MYO9A: variants seen among roughly 807,000 people sequenced by gnomAD.
MYO9A encodes the protein myosin IXA, also known as unconventional myosin-IXa.
In MYO9A, 103 loss-of-function variants were observed where a neutral mutation model predicts 293.3. That is an observed-to-expected ratio of 0.35 (90% CI 0.30 to 0.41). The LOEUF is 0.41. MYO9A is among the 10% of genes least tolerant of loss of function. MYO9A has a pLI of 1.00. For synonymous variants in MYO9A, 1,001 were observed against 1,035.7 expected (o/e 0.97, Z 0.64); for missense variants, 2,685 against 3,033.0 (o/e 0.89, Z 2.69).
chr15:72,114,112 T>C (rs1304809006), intron 1 of MYO9A: 2 of 152,164 alleles, frequency 1.3e-5, no homozygotes, highest in African/African-American at 4.8e-5. Context: ...GCAAGTTTTA[T>C]TAGGTTCTTT....
intron 12 of MYO9A, among the ~76,000 whole-genome samples, chr15:71,974,780 T>C (rs141342236): frequency 1.1e-3 from 171 of 152,304 alleles, no homozygotes; most frequent in African/African-American, 3.9e-3. Context: ...CCCATGTAAT[T>C]TACCCTATCT....
At chr15:71,877,198 G>T (rs1247311553) in intron 31 of MYO9A, among the ~76,000 whole-genome samples, 1 of 152,134 alleles carries the variant, frequency 6.6e-6, no homozygotes, top group Non-Finnish European at 1.5e-5. Context: ...TGTCTCTTCT[G>T]TAATATGGAT....
In MYO9A at chr15:71,925,263, A is replaced by G. The variant is rs1437014243; in HGVS notation, c.2562+8407T>C. On this transcript the variant is annotated intron_variant, in intron 18 of 41. Coordinates refer to ENST00000356056, the MANE Select transcript of MYO9A (RefSeq NM_006901.4). ...TATATACATATACGTATACACATAT[A>G]TACATATATACATATACGTATACAC... is the stretch of plus-strand genomic sequence containing the variant. Among the ~76,000 whole-genome samples, 1,067 of 148,500 alleles carry G rather than the reference A, an allele frequency of 7.2e-3. 19 individuals are homozygous for G. The highest frequency in any genetic ancestry group is 0.025 in the African/African-American group (998 of 39,750).
chr15:72,061,937 G>C (rs1161145271), intron 1 of MYO9A, among the ~76,000 whole-genome samples: 2 of 152,226 alleles, frequency 1.3e-5, no homozygotes, highest in Admixed American at 1.3e-4. Flanking sequence ...TCCAAGAGGT[G>C]GTGGTCACGG....
At chr15:71,845,701 C>A (rs762592033) in intron 39 of MYO9A, among the ~76,000 whole-genome samples, 5 of 152,176 alleles carry the variant, frequency 3.3e-5, no homozygotes, top group Non-Finnish European at 7.4e-5. Flanking sequence ...GTCAGTTTCA[C>A]TTCATGTCAT....
At chr15:72,081,066 TACTTTGGGTATAC>T (rs2079529481) in intron 1 of MYO9A, among the ~76,000 whole-genome samples, 1 of 152,194 alleles carries the variant, frequency 6.6e-6, no homozygotes, top group Admixed American at 6.5e-5. Flanking sequence ...TGATTTATAT[TACTTTGGGTATAC>T]ACCCAGTAAT....
chr15:72,083,930 G>C (rs2079630819), intron 1 of MYO9A, among the ~76,000 whole-genome samples: 1 of 152,220 alleles, frequency 6.6e-6, no homozygotes, highest in South Asian at 2.1e-4. Flanking sequence ...GTCAATTTCA[G>C]AGTATGTGCC....
intron 11 of MYO9A, 82 bp from the exon 12 acceptor site, chr15:71,978,374 C>T (rs2076195032): frequency 8.6e-7 from 1 of 1,164,400 alleles, no homozygotes. Context: ...AGCTTTTACC[C>T]TGCTTAAAAT....
intron 1 of MYO9A, among the ~76,000 whole-genome samples, chr15:72,083,066 A>G (rs574856636): frequency 7.4e-4 from 112 of 151,986 alleles, no homozygotes; most frequent in African/African-American, 2.6e-3. Flanking sequence ...CCTCCTCCTC[A>G]ATTTTTGGGA....
chr15:71,864,694 T>C (rs895119713), intron 32 of MYO9A, among the ~76,000 whole-genome samples: 1 of 152,198 alleles, frequency 6.6e-6, no homozygotes, highest in Admixed American at 6.5e-5. Flanking sequence ...ATAGATGAAC[T>C]TCAAAAACAT....
chr15:72,107,394 C>T (rs951025161), intron 1 of MYO9A, among the ~76,000 whole-genome samples: 4 of 151,972 alleles, frequency 2.6e-5, no homozygotes, highest in African/African-American at 9.7e-5. Context: ...ACTAAAAATA[C>T]AAAAATTAGC....
chr15:72,060,743 A>C (rs912858284), intron 1 of MYO9A, among the ~76,000 whole-genome samples: 19 of 152,168 alleles, frequency 1.2e-4, no homozygotes, highest in Non-Finnish European at 2.2e-4. Context: ...ATCATACATA[A>C]ACTTAGAAGG....
chr15:71,848,533 AAGTT>A (rs1236620189), intron 39 of MYO9A, among the ~76,000 whole-genome samples: 1 of 152,240 alleles, frequency 6.6e-6, no homozygotes, highest in South Asian at 2.1e-4. Context: ...GTGGAGAAAA[AAGTT>A]AGAAGAGGAT....
At chr15:72,085,310 T>C (rs1033324947) in intron 1 of MYO9A, among the ~76,000 whole-genome samples, 3 of 151,896 alleles carry the variant, frequency 2.0e-5, no homozygotes, top group Non-Finnish European at 4.4e-5. Context: ...GGAGAATCGT[T>C]TCAACCCAGG....
rs141803419 is a variant in MYO9A, at chr15:71,874,438, T to C, written c.5979+1353A>G. Among the ~76,000 whole-genome samples, 415 of 149,298 alleles carry C rather than the reference T, an allele frequency of 2.8e-3. 3 individuals are homozygous for C. The highest frequency in any genetic ancestry group is 9.8e-3 in the African/African-American group (398 of 40,568). On this transcript the variant is annotated intron_variant, in intron 32 of 41. Coordinates refer to ENST00000356056, the MANE Select transcript of MYO9A (RefSeq NM_006901.4). The stretch of plus-strand genomic sequence containing the variant: ...TAAACAGAAGGAACCAGGGGGAGAG[T>C]AGGAGGAAATGAAGCTTAGAGAGGC...
intron 36 of MYO9A, 141 bp downstream of exon 36, chr15:71,851,991 C>T (rs984772403): frequency 1.3e-5 from 13 of 963,084 alleles, no homozygotes; most frequent in Non-Finnish European, 1.7e-5. Context: ...GTATACTAGC[C>T]GTTTTGTATT....
At chr15:71,903,216 T>C (rs911382009) in intron 21 of MYO9A, among the ~76,000 whole-genome samples, 153 bp from the exon 22 acceptor site, 7 of 152,134 alleles carry the variant, frequency 4.6e-5, no homozygotes, top group Non-Finnish European at 8.8e-5. Context: ...AAAAGGTTAA[T>C]TCGGAAAACA....
chr15:71,979,941 G>A (rs1207150281), intron 11 of MYO9A, among the ~76,000 whole-genome samples: 12 of 152,114 alleles, frequency 7.9e-5, no homozygotes, highest in Non-Finnish European at 5.9e-5. Flanking sequence ...GAGAGAGAAG[G>A]AATAAACTTT....
intron 18 of MYO9A, among the ~76,000 whole-genome samples, chr15:71,925,211 GTGTATATATACACATATATACACATATA>G (rs2058266742): frequency 1.7e-4 from 1 of 5,946 alleles, no homozygotes; most frequent in Non-Finnish European, 6.2e-4. Context: ...ATATATACAT[GTGTATATATACACATATATACACATATA>G]TATACATATA....
Sources: gnomAD v4.1 joint callset for allele counts (sites outside exome capture counted in the v4.1 genomes callset) on GRCh38, gnomAD v4.1.1 for gene constraint, MANE v1.5 for transcripts, NCBI Gene and HGNC (gene_info 2026-07-23, HGNC 2026-07-21) for gene names.